The following GREM1 variants were observed in gnomAD, a reference collection of about 807,000 sequenced individuals.
GREM1 encodes gremlin-1.
In GREM1, 6 loss-of-function variants were observed where a neutral mutation model predicts 13.1. The observed-to-expected ratio is 0.46, with a 90% CI of 0.25 to 0.91. The LOEUF is 0.91. Among genes scored for constraint, GREM1 ranks in the 40% least tolerant of loss-of-function variants. The pLI, the probability that GREM1 is intolerant of heterozygous loss-of-function variation, is 0.18. For synonymous variants in GREM1, 98 were observed against 93.7 expected (o/e 1.05, Z -0.27); for missense variants, 185 against 233.9 (o/e 0.79, Z 1.36).
rs184443094 is a variant in GREM1, at chr15:32,736,217, G to C, written c.*4972G>C. ...TTGACCTGACTGGAAGCTTCCCAGG[G>C]TAAAAAACTTTGTCAAAACAACTAG... On this transcript the variant is annotated 3_prime_UTR_variant, in exon 2 of 2. Coordinates refer to ENST00000651154, the MANE Select transcript of GREM1 (RefSeq NM_013372.7). 4.6e-4 allele frequency: 70 copies of C among 152,282 alleles called. No individual in the cohort carries two copies. The highest frequency in any genetic ancestry group is 1.7e-3 in the African/African-American group (69 of 41,556). The allele number at this position is 152,282 out of a possible 1,614,324, so 9.4% of individuals were successfully genotyped here.
intron 1 of GREM1, chr15:32,718,640 A>G: frequency 8.2e-6 from 3 of 364,506 alleles, no homozygotes; most frequent in South Asian, 6.1e-5. Context: ...TGGGGCGCCC[A>G]TTGGAGTCCG....
At position 32,736,019 on chromosome 15, in the gene GREM1, G is replaced by A. The variant is rs1226854396; in HGVS notation, c.*4774G>A. 1 of 152,200 alleles carries A rather than the reference G, an allele frequency of 6.6e-6. No individual in the cohort carries two copies. Among genetic ancestry groups the A allele is most frequent in the Non-Finnish European group, 1.5e-5 (1 of 68,048 alleles). 9.4% of individuals were successfully genotyped at this position (152,200 alleles called of 1,614,324 possible). ...CACTACTCTCATCTCCCCCTCTCCA[G>A]CTCCACAATAGCTTTGAAACCAACA... On this transcript the variant is annotated 3_prime_UTR_variant, in exon 2 of 2. Transcript: ENST00000651154.
chr15:32,738,083 C>CCA lies in GREM1; in HGVS notation c.*6838_*6839insCA, dbSNP rs2055720047. 2.6e-4 allele frequency: 5 copies of CCA among 18,910 alleles called. No individual in the cohort carries two copies. The highest frequency in any genetic ancestry group is 6.8e-3 in the South Asian group (1 of 148). 1.2% of individuals were successfully genotyped at this position (18,910 alleles called of 1,614,324 possible). A position where few individuals can be genotyped will look rare whatever the true frequency, so the allele number is the denominator to read the frequency against. Reference sequence around the variant, plus strand: ...GGAGGTTCTACCTAGGGTAATTAGGCAAAAAAAAAAAAAAAAAAAAAAAAA... The same window carrying CCA: ...GGAGGTTCTACCTAGGGTAATTAGGCCAAAAAAAAAAAAAAAAAAAAAAAAAA... On this transcript the variant is annotated 3_prime_UTR_variant, in exon 2 of 2. Transcript: ENST00000651154.
intron 1 of GREM1, among the ~76,000 whole-genome samples, chr15:32,719,828 C>T (rs2055374676): frequency 6.6e-6 from 1 of 152,160 alleles, no homozygotes; most frequent in African/African-American, 2.4e-5. Flanking sequence ...AGTCCTCTTT[C>T]ATCCCTAGGG....
intron 1 of GREM1, among the ~76,000 whole-genome samples, chr15:32,723,515 C>T (rs2055446878): frequency 6.6e-6 from 1 of 151,754 alleles, no homozygotes; most frequent in East Asian, 1.9e-4. Context: ...GCAACTCAGA[C>T]ATCTTACAAT....
chr15:32,734,389 T>C lies in GREM1; in HGVS notation c.*3144T>C, dbSNP rs2055670023. On this transcript the variant is annotated 3_prime_UTR_variant, in exon 2 of 2. Coordinates refer to ENST00000651154, the MANE Select transcript of GREM1 (RefSeq NM_013372.7). The stretch of plus-strand genomic sequence containing the variant: ...AGAACATTTATAAGTGATCAGTTAA[T>C]GCCTAAGAGTGAAAGTAGTTCTATT... 2 of 246,524 alleles carry C rather than the reference T, an allele frequency of 8.1e-6. No individual in the cohort carries two copies. The highest frequency in any genetic ancestry group is 2.2e-5 in the African/African-American group (1 of 45,274). The allele number at this position is 246,524 out of a possible 1,614,324, so 15.3% of individuals were successfully genotyped here. A position where few individuals can be genotyped will look rare whatever the true frequency, so the allele number is the denominator to read the frequency against.
At chr15:32,726,035 T>C (rs2055496832) in intron 1 of GREM1, among the ~76,000 whole-genome samples, 1 of 152,244 alleles carries the variant, frequency 6.6e-6, no homozygotes, top group Non-Finnish European at 1.5e-5. Flanking sequence ...TTTTGGTTAC[T>C]GTAGCCTTGT....
In GREM1 at chr15:32,724,988, T is replaced by G. The variant is rs543483296; in HGVS notation, c.-1-5702T>G. On this transcript the variant is annotated intron_variant, in intron 1 of 1. Coordinates refer to ENST00000651154, the MANE Select transcript of GREM1 (RefSeq NM_013372.7). ...TGAACTCATCCTTTTTATGGCTGCATAGTATTCCATGGTGTATATGTGCCA... is the reference window on the plus strand; with the variant it reads ...TGAACTCATCCTTTTTATGGCTGCAGAGTATTCCATGGTGTATATGTGCCA... 7.2e-5 allele frequency among the ~76,000 whole-genome samples: 11 copies of G among 152,290 alleles called. No homozygotes were observed. The South Asian group carries it at 1.5e-3, about 20-fold the overall frequency.
At position 32,742,235 on chromosome 15, in the gene GREM1, G is replaced by A. The variant is rs1215166470; in HGVS notation, c.*10990G>A. 1 of 152,142 alleles carries A rather than the reference G, an allele frequency of 6.6e-6. No individual in the cohort carries two copies. 9.4% of individuals were successfully genotyped at this position (152,142 alleles called of 1,614,324 possible). A position where few individuals can be genotyped will look rare whatever the true frequency, so the allele number is the denominator to read the frequency against. ...TCTCTTCTTTGATTTTTTTGGAAGA[G>A]TTTGAGAATAATTGGCATTAGTTTT... is the stretch of plus-strand genomic sequence containing the variant. On this transcript the variant is annotated 3_prime_UTR_variant, in exon 2 of 2. Transcript: ENST00000651154.
rs557902777 is a variant in GREM1 at position 32,737,395 on chromosome 15, A to G, written c.*6150A>G. 6.6e-6 allele frequency: 1 copy of G among 152,348 alleles called. No homozygotes were observed. Among genetic ancestry groups the G allele is most frequent in the East Asian group, 1.9e-4 (1 of 5,184 alleles). 9.4% of individuals were successfully genotyped at this position (152,348 alleles called of 1,614,324 possible). A position where few individuals can be genotyped will look rare whatever the true frequency, so the allele number is the denominator to read the frequency against. On this transcript the variant is annotated 3_prime_UTR_variant, in exon 2 of 2. Coordinates refer to ENST00000651154, the MANE Select transcript of GREM1 (RefSeq NM_013372.7). ...ACAAAATGCTAGATAACTGGGTCCA[A>G]CAACATATGGAAAGGATTATATACC...
Position 32,744,981 on chromosome 15 carries a change from C to T in GREM1, c.*13736C>T, listed in dbSNP as rs557226239. ...TGCTTTAAAATAAGAACAAAATGTACTTTGACACACATCATTTTGTTTGGT... is the reference window on the plus strand; with the variant it reads ...TGCTTTAAAATAAGAACAAAATGTATTTTGACACACATCATTTTGTTTGGT... On this transcript the variant is annotated 3_prime_UTR_variant, in exon 2 of 2. Coordinates refer to ENST00000651154, the MANE Select transcript of GREM1 (RefSeq NM_013372.7). 1.8e-4 allele frequency: 27 copies of T among 152,140 alleles called. No individual in the cohort carries two copies. Among genetic ancestry groups the T allele is most frequent in the Non-Finnish European group, 3.7e-4 (25 of 68,012 alleles). The allele number at this position is 152,140 out of a possible 1,614,324, so 9.4% of individuals were successfully genotyped here. A position where few individuals can be genotyped will look rare whatever the true frequency, so the allele number is the denominator to read the frequency against.
rs2055432160 is a variant in GREM1 at position 32,722,843 on chromosome 15, T to C, written c.-2+4682T>C. On this transcript the variant is annotated intron_variant, in intron 1 of 1. Transcript: ENST00000651154. ...GGTGGACAGTTGCAAAGAAAACTCA[T>C]GATGAGAATAACATCACATTTCTTG... Among the ~76,000 whole-genome samples, 3 of 152,322 alleles carry C rather than the reference T, an allele frequency of 2.0e-5. No homozygotes were observed. The East Asian group carries it at 5.8e-4, about 29-fold the overall frequency.
intron 1 of GREM1, chr15:32,718,948 C>T (rs758838614): frequency 1.4e-4 from 24 of 172,054 alleles, no homozygotes; most frequent in Admixed American, 8.5e-4. Flanking sequence ...GACGTTCTGG[C>T]GCCGGGCAGC....
rs1325373646 is a variant in GREM1 at position 32,740,359 on chromosome 15, A to G, written c.*9114A>G. ...GATTCTCACCAGAGTCAAGAGAACAATGCATGAAAAAAGTTAAGAATTTTG... is the reference window on the plus strand; with the variant it reads ...GATTCTCACCAGAGTCAAGAGAACAGTGCATGAAAAAAGTTAAGAATTTTG... On this transcript the variant is annotated 3_prime_UTR_variant, in exon 2 of 2. Coordinates refer to ENST00000651154, the MANE Select transcript of GREM1 (RefSeq NM_013372.7). 6.6e-6 allele frequency: 1 copy of G among 152,268 alleles called. No individual in the cohort carries two copies. Among genetic ancestry groups the G allele is most frequent in the African/African-American group, 2.4e-5 (1 of 41,482 alleles). 9.4% of individuals were successfully genotyped at this position (152,268 alleles called of 1,614,324 possible).
chr15:32,719,893 A>AG (rs926423752), intron 1 of GREM1, among the ~76,000 whole-genome samples: 15 of 151,946 alleles, frequency 9.9e-5, no homozygotes, highest in African/African-American at 2.9e-4. Context: ...GAGAGTCTTG[A>AG]GGGGGGGATG....
intron 1 of GREM1, chr15:32,718,599 T>G: frequency 2.6e-6 from 1 of 389,706 alleles, no homozygotes; most frequent in South Asian, 1.9e-5. Context: ...TCCCATGTGC[T>G]TGGGGCGCCG....
chr15:32,724,673 T>A (rs533706402), intron 1 of GREM1, among the ~76,000 whole-genome samples: 1 of 152,194 alleles, frequency 6.6e-6, no homozygotes, highest in African/African-American at 2.4e-5. Flanking sequence ...AGTTCTGGGA[T>A]ACATGTGCAG....
chr15:32,738,083 C>CCAAAAAAAAAAAAAAAAAAAAAA lies in GREM1; in HGVS notation c.*6838_*6839insCAAAAAAAAAAAAAAAAAAAAAA, dbSNP rs2055720047. 5.3e-5 allele frequency: 1 copy of CCAAAAAAAAAAAAAAAAAAAAAA among 18,910 alleles called. No individual in the cohort carries two copies. The highest frequency in any genetic ancestry group is 8.6e-5 in the Non-Finnish European group (1 of 11,650). The allele number at this position is 18,910 out of a possible 1,614,324, so 1.2% of individuals were successfully genotyped here. A position where few individuals can be genotyped will look rare whatever the true frequency, so the allele number is the denominator to read the frequency against. On this transcript the variant is annotated 3_prime_UTR_variant, in exon 2 of 2. Coordinates refer to ENST00000651154, the MANE Select transcript of GREM1 (RefSeq NM_013372.7). ...GGAGGTTCTACCTAGGGTAATTAGGCAAAAAAAAAAAAAAAAAAAAAAAAA... is the reference window on the plus strand; with the variant it reads ...GGAGGTTCTACCTAGGGTAATTAGGCCAAAAAAAAAAAAAAAAAAAAAAAAAAAAAAAAAAAAAAAAAAAAAAA...
rs2055702289 is a variant in GREM1 at position 32,736,748 on chromosome 15, A to G, written c.*5503A>G. Reference sequence around the variant, plus strand: ...GTCATTAAACAAAGAAACAACAACAAACCCTGGGGAAATGACAGTACGATC... The same window carrying G: ...GTCATTAAACAAAGAAACAACAACAGACCCTGGGGAAATGACAGTACGATC... On this transcript the variant is annotated 3_prime_UTR_variant, in exon 2 of 2. Transcript: ENST00000651154. 6.6e-6 allele frequency: 1 copy of G among 152,124 alleles called. No homozygotes were observed. The highest frequency in any genetic ancestry group is 2.4e-5 in the African/African-American group (1 of 41,412). 9.4% of individuals were successfully genotyped at this position (152,124 alleles called of 1,614,324 possible).
Sources: allele counts gnomAD v4.1 joint callset (sites outside exome capture counted in the v4.1 genomes callset), GRCh38; gene constraint gnomAD v4.1.1; transcripts MANE v1.5; gene names NCBI Gene and HGNC (gene_info 2026-07-23, HGNC 2026-07-21).